The following JARID2 variants were observed in gnomAD, a reference collection of about 807,000 sequenced individuals.
The protein encoded by JARID2 is protein Jumonji.
In JARID2, 21 loss-of-function variants were observed where a neutral mutation model predicts 125.6. The observed-to-expected ratio is 0.17, with a 90% CI of 0.12 to 0.24. The LOEUF is 0.24. JARID2 is among the 10% of genes least tolerant of loss of function. JARID2 has a pLI of 1.00. For missense variants in JARID2, 1,303 were observed against 1,639.6 expected, an observed-to-expected ratio of 0.79 and a Z score of 3.55; for synonymous variants, 736 against 661.6, an observed-to-expected ratio of 1.11 and a Z score of -1.73.
At position 15,397,664 on chromosome 6, in the gene JARID2, A is replaced by G. The variant is rs567745237; in HGVS notation, c.182-12560A>G. On this transcript the variant is annotated intron_variant, in intron 2 of 17. Coordinates refer to ENST00000341776, the MANE Select transcript of JARID2 (RefSeq NM_004973.4). ...GACATGTTATAGAAGGTCTTTAAAC[A>G]TTTTGAGATTCCAGTGGTAACATTA... is the stretch of plus-strand genomic sequence containing the variant. Among the ~76,000 whole-genome samples the G allele has an allele frequency of 1.1e-4, 16 of 152,354 alleles. No individual in the cohort carries two copies. The South Asian group carries it at 3.3e-3, about 32-fold the overall frequency.
chr6:15,451,649 T>C (rs1288941916), intron 3 of JARID2, among the ~76,000 whole-genome samples: 1 of 152,178 alleles, frequency 6.6e-6, no homozygotes, highest in Non-Finnish European at 1.5e-5. Flanking sequence ...TTCTTTACTG[T>C]CAGTGGAAAT....
chr6:15,404,982 CT>C (rs766218047), intron 2 of JARID2, among the ~76,000 whole-genome samples: 77 of 151,462 alleles, frequency 5.1e-4, no homozygotes, highest in East Asian at 7.8e-4. Context: ...GCTCTAGTCC[CT>C]TTTTTTTTCC....
intron 1 of JARID2, among the ~76,000 whole-genome samples, chr6:15,317,532 A>C (rs1762219236): frequency 6.6e-6 from 1 of 152,048 alleles, no homozygotes; most frequent in African/African-American, 2.4e-5. Flanking sequence ...TTGCCTCTTG[A>C]ACTGAAAGTG....
intron 1 of JARID2, among the ~76,000 whole-genome samples, chr6:15,265,469 G>T (rs1760047714): frequency 6.6e-6 from 1 of 151,854 alleles, no homozygotes; most frequent in Admixed American, 6.6e-5. Context: ...ATAGGTATAG[G>T]ACTGTCAGCT....
At chr6:15,410,039 C>CT (rs1052230860) in intron 2 of JARID2, among the ~76,000 whole-genome samples, 185 bp from the exon 3 acceptor site, 1 of 152,202 alleles carries the variant, frequency 6.6e-6, no homozygotes, top group Non-Finnish European at 1.5e-5. Flanking sequence ...ATTTCACTCT[C>CT]TTTAAAGGTC....
At position 15,426,411 on chromosome 6, in the gene JARID2, C is replaced by T. The variant is rs6918134; in HGVS notation, c.323+16046C>T. Among the ~76,000 whole-genome samples, 1,125 of 152,220 alleles carry T rather than the reference C, an allele frequency of 7.4e-3. 13 individuals carry two copies. Among genetic ancestry groups the T allele is most frequent in the African/African-American group, 0.025 (1,051 of 41,526 alleles). ...GATGGTTAGTTGATATTCAAAAGGA[C>T]GCACGTGGATGTTGGGCAGGCTGCA... On this transcript the variant is annotated intron_variant, in intron 3 of 17. Transcript: ENST00000341776.
chr6:15,401,199 A>G (rs1445847096), intron 2 of JARID2, among the ~76,000 whole-genome samples: 4 of 151,780 alleles, frequency 2.6e-5, no homozygotes, highest in Non-Finnish European at 5.9e-5. Flanking sequence ...AAGTGTTGCA[A>G]TTTGCTTAAT....
rs148817554 is a variant in JARID2 at position 15,373,033 on chromosome 6, A to G, written c.46-1084A>G. Among the ~76,000 whole-genome samples the G allele has an allele frequency of 3.4e-3, 512 of 152,326 alleles. 2 individuals are homozygous for G. The highest frequency in any genetic ancestry group is 0.02 in the Middle Eastern group (6 of 294). The stretch of plus-strand genomic sequence containing the variant: ...GCTTCCATTTCTAAAATGAACTTTT[A>G]TAAAATGCTTAATTAAGTCTGATGT... On this transcript the variant is annotated intron_variant, in intron 1 of 17. Coordinates refer to ENST00000341776, the MANE Select transcript of JARID2 (RefSeq NM_004973.4).
At chr6:15,459,970 T>G (rs1367992880) in intron 4 of JARID2, among the ~76,000 whole-genome samples, 2 of 152,200 alleles carry the variant, frequency 1.3e-5, no homozygotes, top group Non-Finnish European at 2.9e-5. Flanking sequence ...CTGTCTCCAG[T>G]GGTACACAAC....
At chr6:15,419,745 T>C (rs911992955) in intron 3 of JARID2, among the ~76,000 whole-genome samples, 8 of 152,228 alleles carry the variant, frequency 5.3e-5, no homozygotes, top group African/African-American at 1.2e-4. Context: ...ATGAGAATCC[T>C]GTTGTTATTT....
intron 6 of JARID2, among the ~76,000 whole-genome samples, chr6:15,493,301 A>G (rs555142352): frequency 4.6e-5 from 7 of 152,244 alleles, no homozygotes; most frequent in Admixed American, 2.6e-4. Context: ...ATTAGCACAG[A>G]ATCTAGAGGG....
chr6:15,343,519 A>G (rs983538282), intron 1 of JARID2, among the ~76,000 whole-genome samples: 2 of 152,164 alleles, frequency 1.3e-5, no homozygotes, highest in Admixed American at 6.5e-5. Context: ...TTGGATGTGT[A>G]TTGAAAGTAT....
At chr6:15,491,437 TTC>T (rs1245516627) in intron 6 of JARID2, among the ~76,000 whole-genome samples, 3 of 152,262 alleles carry the variant, frequency 2.0e-5, no homozygotes, top group Non-Finnish European at 2.9e-5. Context: ...TGCATTTCGC[TTC>T]TGTTTAGGCT....
At chr6:15,414,639 G>A (rs1028227083) in intron 3 of JARID2, among the ~76,000 whole-genome samples, 1 of 152,176 alleles carries the variant, frequency 6.6e-6, no homozygotes, top group African/African-American at 2.4e-5. Flanking sequence ...CTGTGTTCAC[G>A]GAAAGGGCAG....
At position 15,363,413 on chromosome 6, in the gene JARID2, T is replaced by C. The variant is rs186208136; in HGVS notation, c.46-10704T>C. Among the ~76,000 whole-genome samples, 8 of 152,312 alleles carry C rather than the reference T, an allele frequency of 5.3e-5. No homozygotes were observed. The South Asian group carries it at 1.0e-3, about 20-fold the overall frequency. On this transcript the variant is annotated intron_variant, in intron 1 of 17. Coordinates refer to ENST00000341776, the MANE Select transcript of JARID2 (RefSeq NM_004973.4). ...TCAAGTTTGCCACCATTGCCTTAGA[T>C]AATTATTTGTTTTACACATGAGCCA...
intron 1 of JARID2, among the ~76,000 whole-genome samples, chr6:15,289,040 C>G (rs1761105682): frequency 6.6e-6 from 1 of 152,136 alleles, no homozygotes; most frequent in Non-Finnish European, 1.5e-5. Context: ...AGTGTCACCA[C>G]TGGGGACAGC....
At chr6:15,321,458 G>A (rs186226036) in intron 1 of JARID2, among the ~76,000 whole-genome samples, 54 of 152,242 alleles carry the variant, frequency 3.5e-4, no homozygotes, top group Non-Finnish European at 5.7e-4. Flanking sequence ...AAACCTTTTT[G>A]ATTGGGCCTT....
rs1468960218 is a variant in JARID2, at chr6:15,410,262, G to A, written c.220G>A (p.Ala74Thr). 2.5e-6 allele frequency: 4 copies of A among 1,614,012 alleles called. No homozygotes were observed. Among genetic ancestry groups the A allele is most frequent in the Non-Finnish European group, 3.4e-6 (4 of 1,179,980 alleles). Residue 74 changes from alanine to threonine, a missense_variant, in exon 3 of 18, where the codon GCA becomes ACA. By Grantham distance (58) the Ala-to-Thr change is moderately conservative. Transcript: ENST00000341776. ...GNDQSKGLGP[A>T]SEQSENEKDD... Reference sequence around the variant, plus strand: ...TGACCAGTCTAAGGGATTAGGACCAGCATCAGAACAGTCAGAGAATGAAAA... The same window carrying A: ...TGACCAGTCTAAGGGATTAGGACCAACATCAGAACAGTCAGAGAATGAAAA...
At chr6:15,494,433 T>TTTTTTTAG (rs1554144113) in intron 6 of JARID2, among the ~76,000 whole-genome samples, 1 of 147,296 alleles carries the variant, frequency 6.8e-6, no homozygotes, top group African/African-American at 2.5e-5. Flanking sequence ...TTTTTTTTTT[T>TTTTTTTAG]GAGACAAGAG....
Sources: gnomAD v4.1 joint callset for allele counts (sites outside exome capture counted in the v4.1 genomes callset) on GRCh38, gnomAD v4.1.1 for gene constraint, MANE v1.5 for transcripts, NCBI Gene and HGNC (gene_info 2026-07-23, HGNC 2026-07-21) for gene names.